KRT222: variants seen among roughly 807,000 people sequenced by gnomAD.
KRT222 encodes keratin-like protein KRT222.
In KRT222, 23 loss-of-function variants were observed where a neutral mutation model predicts 35.0. The observed-to-expected ratio is 0.66, with a 90% CI of 0.47 to 0.93. The LOEUF (loss-of-function observed/expected upper bound fraction) is 0.93. KRT222 is among the 40% of genes least tolerant of loss of function. The pLI is 0.00. For missense variants in KRT222, 339 were observed against 346.3 expected (o/e 0.98, Z 0.17); for synonymous variants, 108 against 118.8 (o/e 0.91, Z 0.59).
rs1457843294 is a variant in KRT222 at position 40,655,592 on chromosome 17, A to G, written c.*810T>C. 6.6e-6 allele frequency: 1 copy of G among 152,148 alleles called. No individual in the cohort carries two copies. The highest frequency in any genetic ancestry group is 1.5e-5 in the Non-Finnish European group (1 of 67,990). The allele number at this position is 152,148 out of a possible 1,614,324, so 9.4% of individuals were successfully genotyped here. A position where few individuals can be genotyped will look rare whatever the true frequency, so the allele number is the denominator to read the frequency against. ...GGTAACTGTTCTGATAACTATAGTA[A>G]CTACCTTTTCAATTTGCTTTTCATG... On this transcript the variant is annotated 3_prime_UTR_variant, in exon 6 of 6. Transcript: ENST00000394052.
intron 2 of KRT222, among the ~76,000 whole-genome samples, chr17:40,661,640 T>C (rs1196813641): frequency 6.6e-6 from 1 of 152,194 alleles, no homozygotes; most frequent in African/African-American, 2.4e-5. Context: ...TAATAACGAA[T>C]GCTCTATTCC....
At chr17:40,661,004 G>A (rs1463177655) in intron 2 of KRT222, among the ~76,000 whole-genome samples, 2 of 152,216 alleles carry the variant, frequency 1.3e-5, no homozygotes, top group African/African-American at 4.8e-5. Flanking sequence ...GAGTGCAGTG[G>A]CATGATCTCA....
At chr17:40,662,197 T>C in intron 1 of KRT222, 153 bp from the exon 2 acceptor site, 2 of 820,070 alleles carry the variant, frequency 2.4e-6, no homozygotes, top group Non-Finnish European at 3.7e-6. Flanking sequence ...AGTGCCTAGT[T>C]AACTAATTAA....
rs772849955 is a variant in KRT222, at chr17:40,665,133, C to G, written c.-34G>C. 1 of 1,603,588 alleles carries G rather than the reference C, an allele frequency of 6.2e-7. No individual in the cohort carries two copies. Among genetic ancestry groups the G allele is most frequent in the Admixed American group, 1.7e-5 (1 of 59,994 alleles). ...CATCCTCCACCTTGGCTAACTGAAC[C>G]TTATCGATAGGATGAGTCGCTGCGG... On this transcript the variant is annotated 5_prime_UTR_variant, in exon 1 of 6. Coordinates refer to ENST00000394052, the MANE Select transcript of KRT222 (RefSeq NM_152349.3).
In KRT222 at chr17:40,656,535, T is replaced by G; in HGVS notation, c.755A>C (p.Asp252Ala). 1 of 1,613,562 alleles carries G rather than the reference T, an allele frequency of 6.2e-7. No homozygotes were observed. Among genetic ancestry groups the G allele is most frequent in the Non-Finnish European group, 8.5e-7 (1 of 1,179,558 alleles). Residue 252 changes from aspartate to alanine, a missense_variant, in exon 6 of 6, where the codon GAT becomes GCT. Physicochemically the swap from Asp to Ala is moderately radical, Grantham distance 126. Coordinates refer to ENST00000394052, the MANE Select transcript of KRT222 (RefSeq NM_152349.3). ...LRKKSVSLRF[D>A]LHLAATDEGC... Reference sequence around the variant, plus strand: ...TTCATCAGTGGCTGCTAAATGAAGATCAAATCGAAGAGAAACAGACTTTTT... The same window carrying G: ...TTCATCAGTGGCTGCTAAATGAAGAGCAAATCGAAGAGAAACAGACTTTTT...
chr17:40,658,853 T>C (rs569727042), intron 3 of KRT222, among the ~76,000 whole-genome samples: 1 of 152,358 alleles, frequency 6.6e-6, no homozygotes, highest in East Asian at 1.9e-4. Flanking sequence ...CAGATTATGA[T>C]GTATGAATTA....
chr17:40,662,197 T>A, intron 1 of KRT222, 153 bp from the exon 2 acceptor site: 1 of 820,070 alleles, frequency 1.2e-6, no homozygotes, highest in Non-Finnish European at 1.8e-6. Context: ...AGTGCCTAGT[T>A]AACTAATTAA....
intron 2 of KRT222, 137 bp from the exon 3 acceptor site, chr17:40,660,344 G>T (rs1312039828): frequency 6.2e-6 from 4 of 644,528 alleles, no homozygotes; most frequent in Non-Finnish European, 1.0e-5. Flanking sequence ...GCAATGCCAT[G>T]ATCTCGGTTC....
In KRT222 at chr17:40,659,845, T is replaced by C; in HGVS notation, c.446+142A>G. ...TGGTTCTTTCATATATTCTTTGCAGTGCATACCTTATTGTATGGGCTCAGT... is the reference window on the plus strand; with the variant it reads ...TGGTTCTTTCATATATTCTTTGCAGCGCATACCTTATTGTATGGGCTCAGT... On this transcript the variant is annotated intron_variant, in intron 3 of 5. Transcript: ENST00000394052. The C allele has an allele frequency of 5.5e-6, 4 of 729,986 alleles. No homozygotes were observed. The South Asian group carries it at 6.9e-5, about 13-fold the overall frequency. 45.2% of individuals were successfully genotyped at this position (729,986 alleles called of 1,614,324 possible). A position where few individuals can be genotyped will look rare whatever the true frequency, so the allele number is the denominator to read the frequency against.
rs530511801 is a variant in KRT222, at chr17:40,660,636, C to T, written c.226-429G>A. ...AAAGATTGCAATAATTTTATTATAC[C>T]TATGCAAGAGGTGTGTTTCCTTACA... is the stretch of plus-strand genomic sequence containing the variant. On this transcript the variant is annotated intron_variant, in intron 2 of 5. Transcript: ENST00000394052. 2.0e-4 allele frequency among the ~76,000 whole-genome samples: 31 copies of T among 151,756 alleles called. No individual in the cohort carries two copies. The South Asian group carries it at 4.6e-3, about 23-fold the overall frequency.
At position 40,660,225 on chromosome 17, in the gene KRT222, T is replaced by C; in HGVS notation, c.226-18A>G. The C allele has an allele frequency of 6.3e-7, 1 of 1,592,616 alleles. No homozygotes were observed. The highest frequency in any genetic ancestry group is 1.3e-5 in the African/African-American group (1 of 74,204). ...CCCCTTTCCTGTTTTATATAGATTTTCATCAGTGAATCAGTAACACAGAAT... is the reference window on the plus strand; with the variant it reads ...CCCCTTTCCTGTTTTATATAGATTTCCATCAGTGAATCAGTAACACAGAAT... On this transcript the variant is annotated intron_variant, in intron 2 of 5. Coordinates refer to ENST00000394052, the MANE Select transcript of KRT222 (RefSeq NM_152349.3).
Position 40,656,618 on chromosome 17 carries a change from C to T in KRT222, c.672G>A (p.Val224=). The change falls in exon 6 of 6, where the codon GTG becomes GTA. Residue 224 remains valine (V), a synonymous_variant. Coordinates refer to ENST00000394052, the MANE Select transcript of KRT222 (RefSeq NM_152349.3). ...EAHGTIQTEK[V]DEVIKEWEGS... Reference sequence around the variant, plus strand: ...CTTCCCATTCTTTAATAACTTCATCCACTTTCTCTGTCCTGAAATGATAAA... The same window carrying T: ...CTTCCCATTCTTTAATAACTTCATCTACTTTCTCTGTCCTGAAATGATAAA... 6.3e-7 allele frequency: 1 copy of T among 1,594,920 alleles called. No individual in the cohort carries two copies. Among genetic ancestry groups the T allele is most frequent in the Non-Finnish European group, 8.6e-7 (1 of 1,162,762 alleles).
At chr17:40,658,923 T>C (rs2037362462) in intron 3 of KRT222, among the ~76,000 whole-genome samples, 1 of 152,234 alleles carries the variant, frequency 6.6e-6, no homozygotes. Flanking sequence ...TTTTAAATCA[T>C]GACTCAAAAT....
intron 1 of KRT222, 185 bp from the exon 2 acceptor site, chr17:40,662,229 T>C: frequency 1.7e-6 from 1 of 572,960 alleles, no homozygotes; most frequent in Non-Finnish European, 2.9e-6. Context: ...CATTGCGTTC[T>C]TAGCCCGTTT....
rs2037336690 is a variant in KRT222 at position 40,655,216 on chromosome 17, T to C, written c.*1186A>G. On this transcript the variant is annotated 3_prime_UTR_variant, in exon 6 of 6. Coordinates refer to ENST00000394052, the MANE Select transcript of KRT222 (RefSeq NM_152349.3). ...AAAAGTATGGTGAGTTGTACTCAGC[T>C]ACTTTTTCTGCTTAGAAAAGAATTA... is the stretch of plus-strand genomic sequence containing the variant. The C allele has an allele frequency of 6.6e-6, 1 of 151,584 alleles. No homozygotes were observed. Among genetic ancestry groups the C allele is most frequent in the Non-Finnish European group, 1.5e-5 (1 of 67,812 alleles). The allele number at this position is 151,584 out of a possible 1,614,324, so 9.4% of individuals were successfully genotyped here.
chr17:40,664,321 A>G (rs1413881358), intron 1 of KRT222, among the ~76,000 whole-genome samples: 1 of 152,212 alleles, frequency 6.6e-6, no homozygotes, highest in African/African-American at 2.4e-5. Context: ...GTCCTTATCT[A>G]AGTAGGCTCT....
In KRT222 at chr17:40,659,756, A is replaced by G. The variant is rs118128573; in HGVS notation, c.446+231T>C. Among the ~76,000 whole-genome samples the G allele has an allele frequency of 5.9e-3, 903 of 152,208 alleles. 8 individuals are homozygous for G. Among genetic ancestry groups the G allele is most frequent in the Middle Eastern group, 0.01 (3 of 294 alleles). On this transcript the variant is annotated intron_variant, in intron 3 of 5. Transcript: ENST00000394052. ...CAAGATCATTTTTGTAGTAATCTAG[A>G]ATTGTTTACATTTTGTTCTAGGTGA...
chr17:40,661,774 T>A, intron 2 of KRT222, 142 bp downstream of exon 2: 1 of 1,069,996 alleles, frequency 9.3e-7, no homozygotes, highest in Admixed American at 2.4e-5. Context: ...GGGTGAGTAA[T>A]TAAACTAGGA....
chr17:40,662,738 A>G (rs1440789925), intron 1 of KRT222, among the ~76,000 whole-genome samples: 1 of 152,238 alleles, frequency 6.6e-6, no homozygotes. Context: ...TTAAAAAAGT[A>G]GAATATTTTA....
Sources: gnomAD v4.1 joint callset for allele counts (sites outside exome capture counted in the v4.1 genomes callset) on GRCh38, gnomAD v4.1.1 for gene constraint, MANE v1.5 for transcripts, NCBI Gene and HGNC (gene_info 2026-07-23, HGNC 2026-07-21) for gene names.